Variants in MAPK10 observed in about 807,000 individuals in gnomAD.
MAPK10 encodes the protein JNK3 alpha protein kinase.
Under a neutral mutation model 59.3 loss-of-function variants are expected in MAPK10, and 25 were observed. The observed-to-expected ratio is 0.42, with a 90% CI of 0.31 to 0.59. The LOEUF is 0.59. MAPK10 is among the 20% of genes least tolerant of loss of function. The pLI, the probability that MAPK10 is intolerant of heterozygous loss-of-function variation, is 0.15. For missense variants in MAPK10, 351 were observed against 568.9 expected (o/e 0.62, Z 3.90); for synonymous variants, 190 against 200.5 (o/e 0.95, Z 0.44).
chr4:86,080,085 T>C (rs1267392253), intron 9 of MAPK10: 1 of 152,022 alleles, frequency 6.6e-6, no homozygotes, highest in Non-Finnish European at 1.5e-5. Context: ...ACATAGTAGG[T>C]ACTCAAAAAT....
At chr4:86,323,384 T>C (rs774075822) in intron 2 of MAPK10, among the ~76,000 whole-genome samples, 1 of 152,182 alleles carries the variant, frequency 6.6e-6, no homozygotes, top group Non-Finnish European at 1.5e-5. Flanking sequence ...CTGACATCAA[T>C]TAGAAGTGGT....
At chr4:86,247,821 A>G (rs1310939584) in intron 2 of MAPK10, among the ~76,000 whole-genome samples, 1 of 152,202 alleles carries the variant, frequency 6.6e-6, no homozygotes, top group African/African-American at 2.4e-5. Context: ...ACTGGGAAAA[A>G]CATGGTCAGC....
At chr4:86,151,777 A>T (rs189346868) in intron 4 of MAPK10, among the ~76,000 whole-genome samples, 1 of 152,306 alleles carries the variant, frequency 6.6e-6, no homozygotes, top group East Asian at 1.9e-4. Context: ...TTAACATGAC[A>T]ACAATTTGGC....
chr4:86,380,712 A>G (rs1225304964), intron 1 of MAPK10, among the ~76,000 whole-genome samples: 2 of 152,224 alleles, frequency 1.3e-5, no homozygotes, highest in Non-Finnish European at 2.9e-5. Flanking sequence ...TTACATTTGT[A>G]CCATTCTTTT....
rs149080465 is a variant in MAPK10, at chr4:86,308,969, T to C, written c.-7+45561A>G. 6.6e-5 allele frequency among the ~76,000 whole-genome samples: 10 copies of C among 152,240 alleles called. No homozygotes were observed. In the East Asian group the frequency reaches 1.5e-3, roughly 23 times the overall value. On this transcript the variant is annotated intron_variant, in intron 2 of 13. Coordinates refer to ENST00000641462, the MANE Select transcript of MAPK10 (RefSeq NM_138982.4). Reference sequence around the variant, plus strand: ...ACATATAAAAAGTCCTTAGAATAGCTCCTGGCACATAGTCAGGTGCTATTT... The same window carrying C: ...ACATATAAAAAGTCCTTAGAATAGCCCCTGGCACATAGTCAGGTGCTATTT...
At position 86,435,000 on chromosome 4, in the gene MAPK10, C is replaced by T. The variant is rs537603204; in HGVS notation, c.-122+18030G>A. On this transcript the variant is annotated intron_variant, in intron 1 of 13. Coordinates refer to the MAPK10 transcript ENST00000361569. ...ATCTGATCATTTGCAGCAACATGGA[C>T]GAAACTGGAGGTCATTACATTAAGT... 7.9e-5 allele frequency among the ~76,000 whole-genome samples: 12 copies of T among 152,092 alleles called. No homozygotes were observed. The South Asian group carries it at 1.2e-3, about 16-fold the overall frequency.
At chr4:86,426,668 C>T (rs1747319727) in intron 1 of MAPK10, among the ~76,000 whole-genome samples, 1 of 152,114 alleles carries the variant, frequency 6.6e-6, no homozygotes, top group Non-Finnish European at 1.5e-5. Context: ...ATCTTTAATC[C>T]TGTATATCCC....
Position 86,103,220 on chromosome 4 carries a change from T to A in MAPK10, c.391A>T (p.Thr131Ser). ...KNIISLLNVF[T>S]PQKTLEEFQD... The stretch of plus-strand genomic sequence containing the variant: ...AACTCCTCCAGCGTTTTCTGGGGTG[T>A]GAAGACATTTAATAAACTAATAATC... The change falls in exon 6 of 14, where the codon ACA becomes TCA. Residue 131 changes from threonine (T) to serine (S), a missense_variant. By Grantham distance (58) the Thr-to-Ser change is moderately conservative (BLOSUM62 1). Around this residue, in one of 5 missense-constraint regions of MAPK10, gnomAD observed 51 missense variants for 72.7 expected, o/e 0.70. Transcript: ENST00000641462. 1 of 1,604,036 alleles carries A rather than the reference T, an allele frequency of 6.2e-7. No individual in the cohort carries two copies. Among genetic ancestry groups the A allele is most frequent in the Non-Finnish European group, 8.5e-7 (1 of 1,171,112 alleles).
rs34133535 is a variant in MAPK10 at position 86,571,327 on chromosome 4, C to CGTGTGTGTGT, written c.-263+22573_-263+22582dup. 8.9e-3 allele frequency among the ~76,000 whole-genome samples: 1,245 copies of CGTGTGTGTGT among 139,686 alleles called. 6 individuals carry two copies. Among genetic ancestry groups the CGTGTGTGTGT allele is most frequent in the African/African-American group, 0.028 (1,063 of 38,286 alleles). The allele number at this position is 139,686 out of a possible 152,430, so 91.6% of individuals were successfully genotyped here. On this transcript the variant is annotated intron_variant, in intron 1 of 4. Coordinates refer to the MAPK10 transcript ENST00000502302. ...TATATATTTACTGGATATATATATA[C>CGTGTGTGTGT]GTGTGTGTGTGTGTGTGTGTGTGTG...
intron 1 of MAPK10, among the ~76,000 whole-genome samples, chr4:86,522,768 G>A (rs1757211738): frequency 6.6e-6 from 1 of 152,046 alleles, no homozygotes; most frequent in African/African-American, 2.4e-5. Context: ...CTACCTCTGG[G>A]GACTTATTTG....
chr4:86,142,747 C>G (rs1366871404), intron 4 of MAPK10, among the ~76,000 whole-genome samples: 1 of 152,160 alleles, frequency 6.6e-6, no homozygotes, highest in Non-Finnish European at 1.5e-5. Flanking sequence ...TATCAGTTAC[C>G]AGATCCAGAA....
chr4:86,063,000 T>A (rs2046012904), intron 11 of MAPK10, among the ~76,000 whole-genome samples: 1 of 152,198 alleles, frequency 6.6e-6, no homozygotes. Context: ...CAACATGAAA[T>A]CTCAACATCA....
At chr4:86,332,913 C>G (rs2096187699) in intron 2 of MAPK10, among the ~76,000 whole-genome samples, 1 of 152,138 alleles carries the variant, frequency 6.6e-6, no homozygotes, top group African/African-American at 2.4e-5. Context: ...AGGCTGCTGA[C>G]TAATAGGTAA....
At chr4:86,026,480 T>C (rs1403920329) in intron 13 of MAPK10, 2 of 152,224 alleles carry the variant, frequency 1.3e-5, no homozygotes, top group Non-Finnish European at 2.9e-5. Flanking sequence ...TTTAGATTTA[T>C]CTCTTATTGA....
intron 1 of MAPK10, among the ~76,000 whole-genome samples, chr4:86,532,001 C>T (rs1480831242): frequency 6.6e-6 from 1 of 151,176 alleles, no homozygotes; most frequent in Non-Finnish European, 1.5e-5. Flanking sequence ...ACAGCCTGGA[C>T]AACATAGTGA....
intron 2 of MAPK10, among the ~76,000 whole-genome samples, chr4:86,306,355 C>G (rs562381640): frequency 6.6e-6 from 1 of 152,280 alleles, no homozygotes; most frequent in South Asian, 2.1e-4. Context: ...CTGTACATTC[C>G]AGAAAGGATG....
At chr4:86,464,194 A>G (rs565429024) in intron 1 of MAPK10, among the ~76,000 whole-genome samples, 4 of 152,326 alleles carry the variant, frequency 2.6e-5, no homozygotes, top group African/African-American at 7.2e-5. Context: ...TCTTAAAACG[A>G]AACTGTTTCC....
At chr4:86,386,555 A>C (rs1024839143) in intron 1 of MAPK10, among the ~76,000 whole-genome samples, 2 of 152,020 alleles carry the variant, frequency 1.3e-5, no homozygotes, top group Non-Finnish European at 2.9e-5. Flanking sequence ...GATAGAGATG[A>C]TATTTTGCTT....
chr4:86,195,742 CCT>C (rs1413349496), intron 2 of MAPK10, among the ~76,000 whole-genome samples: 1 of 152,072 alleles, frequency 6.6e-6, no homozygotes, highest in African/African-American at 2.4e-5. Flanking sequence ...CTGACAGGCC[CCT>C]GTGTGTGATG....
Sources: gnomAD v4.1 joint callset for allele counts (sites outside exome capture counted in the v4.1 genomes callset) on GRCh38, gnomAD v4.1.1 for gene constraint, gnomAD v4.1.1 regional missense constraint, MANE v1.5 for transcripts, NCBI Gene and HGNC (gene_info 2026-07-23, HGNC 2026-07-21) for gene names.